OSBPL5: variants seen among roughly 807,000 people sequenced by gnomAD.
OSBPL5 encodes the protein oxysterol-binding protein-related protein 5.
OSBPL5 carries 71 observed loss-of-function variants against 111.2 expected under a neutral mutation model. That is an observed-to-expected ratio of 0.64 (90% CI 0.53 to 0.78). OSBPL5 has a LOEUF of 0.78. Ranked by LOEUF, OSBPL5 falls within the 30% of genes least tolerant of loss-of-function variation. The probability of loss-of-function intolerance (pLI) is 0.00; values close to 1 mark genes in which losing one functional copy is unlikely to be tolerated. For synonymous variants in OSBPL5, 549 were observed against 513.9 expected (o/e 1.07, Z -0.93); for missense variants, 1,210 against 1,189.3 (o/e 1.02, Z -0.26).
chr11:3,112,075 A>ACG (rs1858000441), intron 7 of OSBPL5, among the ~76,000 whole-genome samples: 1 of 137,002 alleles, frequency 7.3e-6, no homozygotes, highest in Non-Finnish European at 1.5e-5. Context: ...GTGTGTGTGC[A>ACG]TGTGTGTGTG....
intron 14 of OSBPL5, among the ~76,000 whole-genome samples, chr11:3,097,829 G>C (rs1857325348): frequency 6.6e-6 from 1 of 152,224 alleles, no homozygotes; most frequent in Admixed American, 6.5e-5. Context: ...CACTTTGGGA[G>C]GCCGAGGCAG....
intron 2 of OSBPL5, among the ~76,000 whole-genome samples, chr11:3,128,272 C>T (rs984285996): frequency 6.6e-6 from 1 of 152,222 alleles, no homozygotes; most frequent in Non-Finnish European, 1.5e-5. Flanking sequence ...GCTCCCACTT[C>T]CTCAGCCCCA....
chr11:3,139,863 CG>C (rs1846054155), intron 1 of OSBPL5, among the ~76,000 whole-genome samples: 1 of 152,206 alleles, frequency 6.6e-6, no homozygotes, highest in Admixed American at 6.5e-5. Flanking sequence ...TCCTAGGGTG[CG>C]TTTACTCGCA....
chr11:3,165,245 G>A lies in OSBPL5; in HGVS notation c.-51C>T, dbSNP rs1336606889. ...TACCGTGCCGCGAGCTCGGTGCTCC[G>A]GGCCGGCCGGGCGCGCGGGGGCTCC... is the stretch of plus-strand genomic sequence containing the variant. On this transcript the variant is annotated 5_prime_UTR_variant, in exon 1 of 22. Coordinates refer to ENST00000263650, the MANE Select transcript of OSBPL5 (RefSeq NM_020896.4). The surrounding 1 kb of genome is among the most constrained non-coding windows in gnomAD (Gnocchi z 7.4). 3 of 150,888 alleles carry A rather than the reference G, an allele frequency of 2.0e-5. No individual in the cohort carries two copies. Among genetic ancestry groups the A allele is most frequent in the East Asian group, 3.9e-4 (2 of 5,140 alleles). 9.3% of individuals were successfully genotyped at this position (150,888 alleles called of 1,614,324 possible).
chr11:3,143,319 T>C (rs1402199575), intron 1 of OSBPL5, among the ~76,000 whole-genome samples: 5 of 148,334 alleles, frequency 3.4e-5, no homozygotes, highest in South Asian at 2.2e-4. Context: ...CAGGGGCCCA[T>C]GGGGGGCTGC....
intron 11 of OSBPL5, 42 bp downstream of exon 11, chr11:3,103,197 C>T (rs374345451): frequency 1.2e-5 from 19 of 1,541,306 alleles, no homozygotes; most frequent in Non-Finnish European, 1.7e-5. Context: ...CAGACAGACT[C>T]CTGGGCCGGA....
At chr11:3,112,483 T>A (rs1479130001) in intron 7 of OSBPL5, among the ~76,000 whole-genome samples, 1 of 148,348 alleles carries the variant, frequency 6.7e-6, no homozygotes, top group South Asian at 2.1e-4. Flanking sequence ...CTTTTCTTTT[T>A]TTTTTTTTTT....
At chr11:3,103,487 G>T (rs1312931119) in intron 10 of OSBPL5, among the ~76,000 whole-genome samples, 167 bp from the exon 11 acceptor site, 2 of 152,216 alleles carry the variant, frequency 1.3e-5, no homozygotes, top group Non-Finnish European at 2.9e-5. Flanking sequence ...TTTCTCTGGG[G>T]AAGTGGGTTC....
rs1185145063 is a variant in OSBPL5 at position 3,102,242 on chromosome 11, A to C, written c.1366T>G (p.Phe456Val). The C allele has an allele frequency of 6.2e-7, 1 of 1,608,956 alleles. No homozygotes were observed. Among genetic ancestry groups the C allele is most frequent in the South Asian group, 1.1e-5 (1 of 89,706 alleles). ...KPYNPILGETFRCCWFHPQTD... is the reference protein window; with the variant it reads ...KPYNPILGETVRCCWFHPQTD... ...TGCGGGTGGAACCAGCAGCAGCGGA[A>C]GGTCTCCCCCAGGATGGGGTTGTAC... The change falls in exon 12 of 22, where the codon TTC becomes GTC. Residue 456 changes from phenylalanine to valine, a missense_variant. Phe to Val is a conservative substitution (Grantham distance 50). Transcript: ENST00000263650.
chr11:3,127,750 C>T (rs1858677302), intron 2 of OSBPL5, among the ~76,000 whole-genome samples: 1 of 152,012 alleles, frequency 6.6e-6, no homozygotes, highest in Non-Finnish European at 1.5e-5. Context: ...AGGCTGGGGC[C>T]CTTGGACCAC....
intron 1 of OSBPL5, among the ~76,000 whole-genome samples, chr11:3,150,891 C>G (rs1267815419): frequency 1.3e-5 from 2 of 152,316 alleles, no homozygotes; most frequent in Admixed American, 1.3e-4. Context: ...GATCCTAGTC[C>G]GTCTTCCCAG....
At chr11:3,089,771 C>T in intron 21 of OSBPL5, 75 bp downstream of exon 21, 1 of 1,423,914 alleles carries the variant, frequency 7.0e-7, no homozygotes, top group Non-Finnish European at 9.7e-7. Context: ...GCCTCCCCAC[C>T]TCCCGCCCTA....
chr11:3,127,358 G>A (rs1858662998), intron 2 of OSBPL5, among the ~76,000 whole-genome samples: 1 of 152,238 alleles, frequency 6.6e-6, no homozygotes, highest in African/African-American at 2.4e-5. Flanking sequence ...TGGGTGCGTG[G>A]ACAGACGCCA....
Position 3,126,980 on chromosome 11 carries a change from G to A in OSBPL5, c.137-425C>T, listed in dbSNP as rs1445604755. Among the ~76,000 whole-genome samples the A allele has an allele frequency of 1.3e-5, 2 of 152,212 alleles. No homozygotes were observed. The highest frequency in any genetic ancestry group is 2.1e-4 in the South Asian group (1 of 4,836). ...CTGGCTGGATGCTGCCGGCCCCTGC[G>A]TGCTGGGCTCTTGCTGGGAGGTGGT... On this transcript the variant is annotated intron_variant, in intron 2 of 21. Coordinates refer to ENST00000263650, the MANE Select transcript of OSBPL5 (RefSeq NM_020896.4). This position sits in a 1 kb window ranked among gnomAD's most constrained non-coding sequence, Gnocchi z 6.5.
chr11:3,151,103 C>T (rs141833150), intron 1 of OSBPL5, among the ~76,000 whole-genome samples: 3 of 152,074 alleles, frequency 2.0e-5, no homozygotes, highest in Middle Eastern at 3.2e-3. Context: ...CAGGGGAGAA[C>T]GTGCCGTGAA....
In OSBPL5 at chr11:3,121,962, G is replaced by A. The variant is rs201760901; in HGVS notation, c.402+35C>T. 5.1e-5 allele frequency: 77 copies of A among 1,518,940 alleles called. No homozygotes were observed. In the East Asian group the frequency reaches 1.1e-3, roughly 22 times the overall value. 94.1% of individuals were successfully genotyped at this position (1,518,940 alleles called of 1,614,324 possible). The stretch of plus-strand genomic sequence containing the variant: ...TGTTATGGCAGCAGCACGCTGACCC[G>A]TGTCCTGGGTGGCCGGAGGCCGGGC... On this transcript the variant is annotated intron_variant, in intron 5 of 21. Transcript: ENST00000263650. The surrounding 1 kb of genome is among the most constrained non-coding windows in gnomAD (Gnocchi z 4.3).
chr11:3,092,186 C>A lies in OSBPL5; in HGVS notation c.2259+246G>T, dbSNP rs1382171907. On this transcript the variant is annotated intron_variant, in intron 19 of 21. Coordinates refer to ENST00000263650, the MANE Select transcript of OSBPL5 (RefSeq NM_020896.4). The surrounding 1 kb of genome is among the most constrained non-coding windows in gnomAD (Gnocchi z 5.4). ...ACTTGGCAGAGGGAGACTTTGGGGG[C>A]AGTGGACAGAGACAGTAGACACAGG... 6.6e-6 allele frequency among the ~76,000 whole-genome samples: 1 copy of A among 151,766 alleles called. No homozygotes were observed. Among genetic ancestry groups the A allele is most frequent in the African/African-American group, 2.4e-5 (1 of 41,238 alleles).
At chr11:3,164,911 C>G (rs933770542) in intron 1 of OSBPL5, among the ~76,000 whole-genome samples, 1 of 151,960 alleles carries the variant, frequency 6.6e-6, no homozygotes, top group Admixed American at 6.5e-5. Flanking sequence ...CCGAGCTGGG[C>G]GCGCCGCTTC....
chr11:3,115,650 A>G (rs1858183346), intron 7 of OSBPL5, among the ~76,000 whole-genome samples: 3 of 152,366 alleles, frequency 2.0e-5, no homozygotes, highest in Middle Eastern at 3.4e-3. Context: ...CACTGATGCA[A>G]GACTAGCATA....
Sources: allele counts gnomAD v4.1 joint callset (sites outside exome capture counted in the v4.1 genomes callset), GRCh38; gene constraint gnomAD v4.1.1; non-coding constraint Gnocchi (gnomAD v3.1); transcripts MANE v1.5; gene names NCBI Gene and HGNC (gene_info 2026-07-23, HGNC 2026-07-21).